Variants in SAMD4A observed in about 807,000 individuals in gnomAD.
SAMD4A encodes protein Smaug homolog 1.
Under a neutral mutation model 81.3 loss-of-function variants are expected in SAMD4A, and 33 were observed. The observed-to-expected ratio is 0.41, with a 90% CI of 0.31 to 0.54. SAMD4A has a LOEUF of 0.54. Among genes scored for constraint, SAMD4A ranks in the 20% least tolerant of loss-of-function variants. The pLI is 0.37. For missense variants in SAMD4A, 854 were observed against 951.1 expected (o/e 0.90, Z 1.34); for synonymous variants, 389 against 382.1 (o/e 1.02, Z -0.21).
chr14:54,630,908 A>ATGTGTG lies in SAMD4A; in HGVS notation c.196+62839_196+62844dup, dbSNP rs5808786. ...ACATATAATAAATCTTGTATTTTAT[A>ATGTGTG]TGTGTGTGTGTGTGTGTGTGTGTGT... On this transcript the variant is annotated intron_variant, in intron 2 of 12. Transcript: ENST00000554335. Among the ~76,000 whole-genome samples the ATGTGTG allele has an allele frequency of 5.8e-3, 843 of 144,328 alleles. 7 individuals are homozygous for ATGTGTG. Among genetic ancestry groups the ATGTGTG allele is most frequent in the African/African-American group, 0.016 (611 of 38,390 alleles). 94.7% of individuals were successfully genotyped at this position (144,328 alleles called of 152,430 possible). A position where few individuals can be genotyped will look rare whatever the true frequency, so the allele number is the denominator to read the frequency against.
At chr14:54,625,626 A>G (rs2034726209) in intron 2 of SAMD4A, among the ~76,000 whole-genome samples, 2 of 152,210 alleles carry the variant, frequency 1.3e-5, no homozygotes, top group African/African-American at 4.8e-5. Context: ...ATGTGTCCCC[A>G]TATTTGCAAG....
chr14:54,601,043 T>A (rs1053753468), intron 2 of SAMD4A, among the ~76,000 whole-genome samples: 1 of 152,222 alleles, frequency 6.6e-6, no homozygotes, highest in Non-Finnish European at 1.5e-5. Context: ...CCTTGTTTCT[T>A]AGAGTATTTC....
At chr14:54,712,973 G>C (rs960346790) in intron 3 of SAMD4A, among the ~76,000 whole-genome samples, 1 of 152,182 alleles carries the variant, frequency 6.6e-6, no homozygotes, top group Non-Finnish European at 1.5e-5. Context: ...GAGATGAACA[G>C]GATGGCTTCT....
chr14:54,617,454 A>AGG (rs1566549777), intron 2 of SAMD4A, among the ~76,000 whole-genome samples: 29 of 151,682 alleles, frequency 1.9e-4, no homozygotes, highest in African/African-American at 6.3e-4. Flanking sequence ...AAGAATCTGT[A>AGG]AGGAGAGAAT....
chr14:54,725,097 G>A (rs547780959), intron 3 of SAMD4A, among the ~76,000 whole-genome samples: 1 of 152,188 alleles, frequency 6.6e-6, no homozygotes, highest in Admixed American at 6.5e-5. Context: ...GAATTCATCT[G>A]CTCCAACCTC....
intron 2 of SAMD4A, among the ~76,000 whole-genome samples, chr14:54,661,198 C>A (rs2035635585): frequency 6.6e-6 from 1 of 152,192 alleles, no homozygotes; most frequent in African/African-American, 2.4e-5. Context: ...TGATTCAAAT[C>A]TCATCTTTTG....
chr14:54,615,589 A>G (rs527870758), intron 2 of SAMD4A, among the ~76,000 whole-genome samples: 20 of 152,358 alleles, frequency 1.3e-4, no homozygotes, highest in African/African-American at 4.8e-4. Flanking sequence ...CACCTCTTAT[A>G]GCATGATTTC....
intron 4 of SAMD4A, among the ~76,000 whole-genome samples, chr14:54,746,637 T>C (rs1435214578): frequency 2.0e-5 from 3 of 152,232 alleles, no homozygotes; most frequent in East Asian, 3.8e-4. Context: ...TAAAGCACCA[T>C]GTTTATAACA....
rs2038801363 is a variant in SAMD4A at position 54,774,907 on chromosome 14, C to A, written c.1716-27C>A. ...AAAGGGCTGAATAACGACTGATATT[C>A]TCTTCCTTCTCTCTTGGCTCTCACA... On this transcript the variant is annotated intron_variant, in intron 9 of 12. Transcript: ENST00000554335. 3 of 1,612,012 alleles carry A rather than the reference C, an allele frequency of 1.9e-6. No individual in the cohort carries two copies. The South Asian group carries it at 3.3e-5, about 18-fold the overall frequency.
At chr14:54,568,366 C>T (rs986078238) in intron 2 of SAMD4A, among the ~76,000 whole-genome samples, 1 of 151,846 alleles carries the variant, frequency 6.6e-6, no homozygotes. Flanking sequence ...GTGGTAGCTA[C>T]GGTAGCATGA....
chr14:54,681,778 A>C, intron 2 of SAMD4A: 1 of 985,060 alleles, frequency 1.0e-6, no homozygotes, highest in Non-Finnish European at 1.2e-6. Context: ...TGGAGCCCCA[A>C]ATGAAAAATA....
In SAMD4A at chr14:54,567,635, T is replaced by G. The variant is rs2032978368; in HGVS notation, c.-282T>G. Reference sequence around the variant, plus strand: ...GCATTCTTCATTCAGTTGTGTGCCTTGTGGGGGATTTTTAAAAAGTCGTTT... The same window carrying G: ...GCATTCTTCATTCAGTTGTGTGCCTGGTGGGGGATTTTTAAAAAGTCGTTT... On this transcript the variant is annotated 5_prime_UTR_variant, in exon 2 of 13. Transcript: ENST00000554335. The G allele has an allele frequency of 2.1e-5, 9 of 430,788 alleles. No individual in the cohort carries two copies. The highest frequency in any genetic ancestry group is 5.0e-5 in the East Asian group (1 of 19,874). 26.7% of individuals were successfully genotyped at this position (430,788 alleles called of 1,614,324 possible). A position where few individuals can be genotyped will look rare whatever the true frequency, so the allele number is the denominator to read the frequency against.
At chr14:54,762,446 T>C (rs1367668645) in intron 7 of SAMD4A, among the ~76,000 whole-genome samples, 1 of 152,158 alleles carries the variant, frequency 6.6e-6, no homozygotes, top group African/African-American at 2.4e-5. Flanking sequence ...AGTAATCTGG[T>C]GGAGGAGATG....
intron 2 of SAMD4A, among the ~76,000 whole-genome samples, chr14:54,678,437 G>GTGTGTGTT: frequency 6.7e-5 from 1 of 14,848 alleles, no homozygotes; most frequent in Non-Finnish European, 1.6e-4. Context: ...CACCATTTGT[G>GTGTGTGTT]TGTGTGTGTG....
intron 2 of SAMD4A, among the ~76,000 whole-genome samples, chr14:54,662,260 C>T (rs996805771): frequency 9.9e-5 from 15 of 152,216 alleles, no homozygotes; most frequent in African/African-American, 3.6e-4. Flanking sequence ...GGATATTTTG[C>T]TCCATTTAGA....
At chr14:54,625,823 A>G (rs1037879035) in intron 2 of SAMD4A, among the ~76,000 whole-genome samples, 1 of 152,018 alleles carries the variant, frequency 6.6e-6, no homozygotes, top group Non-Finnish European at 1.5e-5. Context: ...GACTTTGCCT[A>G]TTTTCTTCCC....
At chr14:54,756,413 T>A (rs1034208852) in intron 6 of SAMD4A, among the ~76,000 whole-genome samples, 1 of 152,206 alleles carries the variant, frequency 6.6e-6, no homozygotes, top group African/African-American at 2.4e-5. Context: ...TATCCTTTCC[T>A]GAAACATGCA....
chr14:54,727,239 G>A (rs2037446889), intron 3 of SAMD4A, among the ~76,000 whole-genome samples: 1 of 120,330 alleles, frequency 8.3e-6, no homozygotes, highest in African/African-American at 3.3e-5. Flanking sequence ...GCACAGCCTG[G>A]AGTGCAGTGG....
rs34263162 is a variant in SAMD4A at position 54,737,561 on chromosome 14, T to TTTTTTTTTTTTTTTTTG, written c.979+274_979+275insTTTTTTTTTTTTTTTTG. On this transcript the variant is annotated intron_variant, in intron 4 of 12. Transcript: ENST00000554335. ...CTCTCTCTTTTTTTTTTTTTTTTTT[T>TTTTTTTTTTTTTTTTTG]GCATTGCAGTGACTTGTAGACCATT... is the stretch of plus-strand genomic sequence containing the variant. Among the ~76,000 whole-genome samples, 23 of 122,642 alleles carry TTTTTTTTTTTTTTTTTG rather than the reference T, an allele frequency of 1.9e-4. 2 individuals carry two copies. The highest frequency in any genetic ancestry group is 7.5e-4 in the East Asian group (3 of 3,996). The allele number at this position is 122,642 out of a possible 152,430, so 80.5% of individuals were successfully genotyped here. A position where few individuals can be genotyped will look rare whatever the true frequency, so the allele number is the denominator to read the frequency against.
Sources: gnomAD v4.1 joint callset for allele counts (sites outside exome capture counted in the v4.1 genomes callset) on GRCh38, gnomAD v4.1.1 for gene constraint, MANE v1.5 for transcripts, NCBI Gene and HGNC (gene_info 2026-07-23, HGNC 2026-07-21) for gene names.